Variants in XKR4 observed in about 807,000 individuals in gnomAD.
XKR4 encodes the protein XK-related protein 4.
In XKR4, 12 loss-of-function variants were observed where a neutral mutation model predicts 53.9. The observed-to-expected ratio is 0.22, with a 90% CI of 0.14 to 0.36. XKR4 has a LOEUF of 0.36. XKR4 is among the 10% of genes least tolerant of loss of function. The pLI, the probability that XKR4 is intolerant of heterozygous loss-of-function variation, is 1.00. For missense variants in XKR4, 799 were observed against 859.5 expected (o/e 0.93, Z 0.88); for synonymous variants, 354 against 362.4 (o/e 0.98, Z 0.26).
intron 2 of XKR4, among the ~76,000 whole-genome samples, chr8:55,391,423 C>T (rs533789857): frequency 3.3e-5 from 5 of 152,066 alleles, no homozygotes; most frequent in African/African-American, 4.8e-5. Context: ...GCATAATGTA[C>T]GTTTAAAAAG....
chr8:55,235,179 A>G (rs937441942), intron 1 of XKR4, among the ~76,000 whole-genome samples: 1 of 152,108 alleles, frequency 6.6e-6, no homozygotes, highest in Non-Finnish European at 1.5e-5. Context: ...CTCTGTCTCC[A>G]TCCTCACATG....
chr8:55,123,756 C>T (rs559027632), intron 1 of XKR4, among the ~76,000 whole-genome samples: 3 of 152,290 alleles, frequency 2.0e-5, no homozygotes, highest in East Asian at 1.9e-4. Flanking sequence ...GGGACACCCC[C>T]GCACCTCCAA....
chr8:55,275,789 T>C (rs1310387391), intron 1 of XKR4, among the ~76,000 whole-genome samples: 2 of 152,188 alleles, frequency 1.3e-5, no homozygotes, highest in African/African-American at 4.8e-5. Context: ...TACTAATTAG[T>C]CCAGGTCACC....
intron 1 of XKR4, among the ~76,000 whole-genome samples, chr8:55,110,829 G>A (rs1365212708): frequency 3.9e-5 from 6 of 151,946 alleles, no homozygotes; most frequent in African/African-American, 1.2e-4. Context: ...TACTCAAAAC[G>A]TTTGCAGCCT....
intron 1 of XKR4, among the ~76,000 whole-genome samples, chr8:55,185,709 G>A (rs1196274444): frequency 1.3e-5 from 2 of 152,152 alleles, no homozygotes; most frequent in African/African-American, 2.4e-5. Flanking sequence ...TTAGTTCTGG[G>A]AAGAGAACTA....
At position 55,226,946 on chromosome 8, in the gene XKR4, CT is replaced by C. The variant is rs1053188720; in HGVS notation, c.806+123654del. Among the ~76,000 whole-genome samples, 103 of 152,282 alleles carry C rather than the reference CT, an allele frequency of 6.8e-4. 1 individual carries two copies. The highest frequency in any genetic ancestry group is 2.2e-3 in the African/African-American group (92 of 41,564). On this transcript the variant is annotated intron_variant, in intron 1 of 2. Coordinates refer to ENST00000327381, the MANE Select transcript of XKR4 (RefSeq NM_052898.2). ...ATGCGAGGACCTTGATCAGCTTGCCCTTCCTATCTGGCTGCTTCCCAAAAGG... is the reference window on the plus strand; with the variant it reads ...ATGCGAGGACCTTGATCAGCTTGCCCTCCTATCTGGCTGCTTCCCAAAAGG...
At chr8:55,522,888 G>A (rs1202802228) in intron 2 of XKR4, among the ~76,000 whole-genome samples, 1 of 152,132 alleles carries the variant, frequency 6.6e-6, no homozygotes, top group East Asian at 1.9e-4. Flanking sequence ...CTCCATATGG[G>A]TGAGCCTTAG....
intron 1 of XKR4, among the ~76,000 whole-genome samples, chr8:55,179,738 A>G (rs1328866828): frequency 6.6e-6 from 1 of 152,224 alleles, no homozygotes; most frequent in Non-Finnish European, 1.5e-5. Flanking sequence ...GTGCAGCAAT[A>G]GTACAGAATG....
intron 1 of XKR4, among the ~76,000 whole-genome samples, chr8:55,253,525 T>C (rs1264725563): frequency 6.6e-6 from 1 of 152,224 alleles, no homozygotes; most frequent in Non-Finnish European, 1.5e-5. Flanking sequence ...CTAGCAGTTC[T>C]GTAATATTTC....
chr8:55,475,064 T>C (rs926293641), intron 2 of XKR4, among the ~76,000 whole-genome samples: 6 of 151,866 alleles, frequency 4.0e-5, no homozygotes, highest in African/African-American at 1.2e-4. Flanking sequence ...TAAGAACTTA[T>C]AAATACATGC....
At chr8:55,458,020 T>C (rs1159214025) in intron 2 of XKR4, among the ~76,000 whole-genome samples, 1 of 152,186 alleles carries the variant, frequency 6.6e-6, no homozygotes, top group Non-Finnish European at 1.5e-5. Context: ...TGCTCACTGA[T>C]TGAAAAACAT....
intron 2 of XKR4, among the ~76,000 whole-genome samples, chr8:55,437,697 T>C (rs1331827334): frequency 2.6e-5 from 4 of 152,208 alleles, no homozygotes; most frequent in Admixed American, 2.0e-4. Flanking sequence ...TGTTGCATAC[T>C]GGTATAGATA....
chr8:55,149,667 T>C (rs1451154799), intron 1 of XKR4, among the ~76,000 whole-genome samples: 1 of 151,978 alleles, frequency 6.6e-6, no homozygotes, highest in South Asian at 2.1e-4. Context: ...GCCTTTGGAG[T>C]ATTTATAGCT....
At chr8:55,434,348 T>C (rs1332564034) in intron 2 of XKR4, among the ~76,000 whole-genome samples, 1 of 152,194 alleles carries the variant, frequency 6.6e-6, no homozygotes, top group African/African-American at 2.4e-5. Flanking sequence ...GAAAATATTT[T>C]ATGTAAAAAT....
chr8:55,519,487 T>C (rs1391778072), intron 2 of XKR4, among the ~76,000 whole-genome samples: 1 of 152,194 alleles, frequency 6.6e-6, no homozygotes, highest in Non-Finnish European at 1.5e-5. Context: ...TTTTTTTTTC[T>C]TTTTTTCTTA....
chr8:55,444,518 A>T (rs1805316816), intron 2 of XKR4, among the ~76,000 whole-genome samples: 1 of 152,276 alleles, frequency 6.6e-6, no homozygotes, highest in South Asian at 2.1e-4. Flanking sequence ...TTTAATAATC[A>T]ATTAAAAAGG....
chr8:55,528,535 C>T lies in XKR4; in HGVS notation c.*4308C>T, dbSNP rs577181346. Reference sequence around the variant, plus strand: ...CCTTGCATTTTCCACATATCTTTGCCATTAGCCATTGCTGTTTCTATATAA... The same window carrying T: ...CCTTGCATTTTCCACATATCTTTGCTATTAGCCATTGCTGTTTCTATATAA... On this transcript the variant is annotated 3_prime_UTR_variant, in exon 3 of 3. Coordinates refer to ENST00000327381, the MANE Select transcript of XKR4 (RefSeq NM_052898.2). 5 of 152,198 alleles carry T rather than the reference C, an allele frequency of 3.3e-5. No individual in the cohort carries two copies. The highest frequency in any genetic ancestry group is 7.3e-5 in the Non-Finnish European group (5 of 68,042). The allele number at this position is 152,198 out of a possible 1,614,324, so 9.4% of individuals were successfully genotyped here.
chr8:55,282,073 T>G (rs1436627730), intron 1 of XKR4, among the ~76,000 whole-genome samples: 1 of 152,152 alleles, frequency 6.6e-6, no homozygotes, highest in Non-Finnish European at 1.5e-5. Context: ...GACAGAGAGA[T>G]TCTGGTCCAA....
intron 2 of XKR4, among the ~76,000 whole-genome samples, chr8:55,418,047 G>C (rs1016459507): frequency 6.6e-6 from 1 of 152,254 alleles, no homozygotes; most frequent in African/African-American, 2.4e-5. Context: ...TGAGGGTGGA[G>C]GAGGCAGGAC....
Sources: gnomAD v4.1 joint callset for allele counts (sites outside exome capture counted in the v4.1 genomes callset) on GRCh38, gnomAD v4.1.1 for gene constraint, MANE v1.5 for transcripts, NCBI Gene and HGNC (gene_info 2026-07-23, HGNC 2026-07-21) for gene names.